TRAPPC12: variants seen among roughly 807,000 people sequenced by gnomAD.
TRAPPC12 encodes TPR repeat protein 15.
TRAPPC12 carries 61 observed loss-of-function variants against 69.2 expected under a neutral mutation model. That is an observed-to-expected ratio of 0.88 (90% CI 0.72 to 1.09). TRAPPC12 has a LOEUF of 1.09. TRAPPC12 is among the 50% of genes least tolerant of loss of function. The pLI is 0.00. For missense variants in TRAPPC12, 1,101 were observed against 1,016.4 expected (o/e 1.08, Z -1.13); for synonymous variants, 469 against 438.9 (o/e 1.07, Z -0.86).
intron 5 of TRAPPC12, among the ~76,000 whole-genome samples, chr2:3,430,600 A>G (rs1267676011): frequency 6.6e-6 from 1 of 152,274 alleles, no homozygotes; most frequent in African/African-American, 2.4e-5. Flanking sequence ...TTTGGGAAAT[A>G]TTAATATCTT....
At chr2:3,425,335 T>C (rs755539449) in intron 5 of TRAPPC12, among the ~76,000 whole-genome samples, 4 of 152,210 alleles carry the variant, frequency 2.6e-5, no homozygotes, top group African/African-American at 4.8e-5. Flanking sequence ...AAAACAGTCC[T>C]GGCAGGATGT....
At chr2:3,410,250 A>G (rs1379884644) in intron 3 of TRAPPC12, among the ~76,000 whole-genome samples, 1 of 152,258 alleles carries the variant, frequency 6.6e-6, no homozygotes, top group Non-Finnish European at 1.5e-5. Flanking sequence ...ATATTCAGTC[A>G]TCTGTGGAAA....
chr2:3,413,545 A>G (rs555432805), intron 3 of TRAPPC12, among the ~76,000 whole-genome samples: 3 of 152,376 alleles, frequency 2.0e-5, no homozygotes, highest in East Asian at 3.9e-4. Context: ...GTGTGATTGA[A>G]TATCATGCAG....
intron 5 of TRAPPC12, among the ~76,000 whole-genome samples, chr2:3,433,219 GAAGGA>G (rs922235834): frequency 6.6e-6 from 1 of 152,170 alleles, no homozygotes; most frequent in Non-Finnish European, 1.5e-5. Context: ...TCAGGATAGG[GAAGGA>G]CACACCCAGA....
At chr2:3,452,320 G>A (rs1470803104) in intron 6 of TRAPPC12, among the ~76,000 whole-genome samples, 3 of 152,160 alleles carry the variant, frequency 2.0e-5, no homozygotes, top group African/African-American at 7.2e-5. Context: ...TTGCACGGCC[G>A]GGTCTCAGAG....
chr2:3,401,913 A>G lies in TRAPPC12; in HGVS notation c.1164+20A>G. ...CTAATCGTAAGTGACAATGTGTTTG[A>G]TTTCAGTGTTGTTTTGTGATAAGTC... On this transcript the variant is annotated intron_variant, in intron 3 of 11. Coordinates refer to ENST00000324266, the MANE Select transcript of TRAPPC12 (RefSeq NM_016030.6). The G allele has an allele frequency of 1.3e-6, 2 of 1,504,694 alleles. No individual in the cohort carries two copies. Among genetic ancestry groups the G allele is most frequent in the South Asian group, 1.2e-5 (1 of 80,294 alleles). 93.2% of individuals were successfully genotyped at this position (1,504,694 alleles called of 1,614,324 possible).
intron 8 of TRAPPC12, among the ~76,000 whole-genome samples, chr2:3,463,357 C>T (rs1665612890): frequency 6.6e-6 from 1 of 151,784 alleles, no homozygotes; most frequent in African/African-American, 2.4e-5. Flanking sequence ...GACTGGCGAG[C>T]GCTACTGTTG....
chr2:3,444,558 C>T lies in TRAPPC12; in HGVS notation c.1530+667C>T, dbSNP rs190544868. Among the ~76,000 whole-genome samples the T allele has an allele frequency of 9.8e-5, 15 of 152,350 alleles. No homozygotes were observed. The East Asian group carries it at 2.3e-3, about 23-fold the overall frequency. On this transcript the variant is annotated intron_variant, in intron 6 of 11. Transcript: ENST00000324266. ...GCCTTTCTACCCACGTCACAGTGTT[C>T]CTGTATAGGTTCAGTGACATAAGGT...
chr2:3,435,139 A>T (rs1006401809), intron 5 of TRAPPC12, among the ~76,000 whole-genome samples: 2 of 152,150 alleles, frequency 1.3e-5, no homozygotes, highest in Non-Finnish European at 2.9e-5. Flanking sequence ...CAGCCTCCCG[A>T]GTAGCTGAGA....
chr2:3,398,298 G>T (rs182937312), intron 2 of TRAPPC12, among the ~76,000 whole-genome samples: 20 of 152,280 alleles, frequency 1.3e-4, no homozygotes, highest in Admixed American at 9.8e-4. Context: ...TTTCTAAAAT[G>T]GCTATTCCAT....
intron 5 of TRAPPC12, among the ~76,000 whole-genome samples, chr2:3,432,091 G>A (rs1039719592): frequency 6.6e-6 from 1 of 152,204 alleles, no homozygotes; most frequent in African/African-American, 2.4e-5. Flanking sequence ...GGGAAAATAG[G>A]AGCCCAAAAG....
chr2:3,474,359 C>T (rs1288058012), intron 9 of TRAPPC12, among the ~76,000 whole-genome samples: 1 of 152,218 alleles, frequency 6.6e-6, no homozygotes. Flanking sequence ...GCTGTGATGG[C>T]AGCTGAAGAG....
intron 9 of TRAPPC12, among the ~76,000 whole-genome samples, chr2:3,474,553 G>C (rs985127904): frequency 1.3e-5 from 2 of 152,234 alleles, no homozygotes; most frequent in African/African-American, 4.8e-5. Flanking sequence ...CCAGCGCACA[G>C]TTCCAGTTTC....
chr2:3,387,798 G>A lies in TRAPPC12; in HGVS notation c.175G>A (p.Ala59Thr), dbSNP rs191638734. 3.4e-5 allele frequency: 55 copies of A among 1,613,530 alleles called. 1 individual carries two copies. The highest frequency in any genetic ancestry group is 3.3e-4 in the Middle Eastern group (2 of 6,060). ...ETASEGSSPL[A>T]DKLNEHMMES... Reference sequence around the variant, plus strand: ...CGCATCGGAAGGCTCGAGTCCTCTCGCGGACAAGCTGAACGAACACATGAT... The same window carrying A: ...CGCATCGGAAGGCTCGAGTCCTCTCACGGACAAGCTGAACGAACACATGAT... The change falls in exon 2 of 12, where the codon GCG (alanine) becomes ACG (threonine). Residue 59 changes from alanine to threonine, a missense_variant. By Grantham distance (58) the Ala-to-Thr change is moderately conservative. Transcript: ENST00000324266.
intron 4 of TRAPPC12, among the ~76,000 whole-genome samples, chr2:3,422,635 C>G (rs1203193249): frequency 1.3e-5 from 2 of 152,200 alleles, no homozygotes; most frequent in South Asian, 4.1e-4. Context: ...AAAGGAGCAG[C>G]TCTGGGGAGC....
chr2:3,413,920 C>T (rs1662199681), intron 3 of TRAPPC12, among the ~76,000 whole-genome samples: 1 of 152,126 alleles, frequency 6.6e-6, no homozygotes, highest in South Asian at 2.1e-4. Flanking sequence ...TACCCATTTG[C>T]CCTGGCCAGA....
At chr2:3,434,982 G>A (rs141653484) in intron 5 of TRAPPC12, among the ~76,000 whole-genome samples, 29 of 152,306 alleles carry the variant, frequency 1.9e-4, no homozygotes, top group Non-Finnish European at 3.1e-4. Flanking sequence ...CTGTGGCAAC[G>A]AGGATGCCCA....
chr2:3,407,750 C>G (rs1316036778), intron 3 of TRAPPC12, among the ~76,000 whole-genome samples: 2 of 151,720 alleles, frequency 1.3e-5, no homozygotes, highest in African/African-American at 4.8e-5. Context: ...GAGCCAAGAT[C>G]ACGCCACTGC....
chr2:3,401,700 T>G, intron 2 of TRAPPC12, 77 bp from the exon 3 acceptor site: 6 of 903,624 alleles, frequency 6.6e-6, no homozygotes, highest in South Asian at 2.5e-5. Context: ...AGAAATTGTG[T>G]TTAGTTATGG....
Sources: allele counts gnomAD v4.1 joint callset (sites outside exome capture counted in the v4.1 genomes callset), GRCh38; gene constraint gnomAD v4.1.1; transcripts MANE v1.5; gene names NCBI Gene and HGNC (gene_info 2026-07-23, HGNC 2026-07-21).